The following ERI3 variants were observed in gnomAD, a reference collection of about 807,000 sequenced individuals.
ERI3 encodes ERI1 exoribonuclease family member 3.
A neutral mutation model predicts 44.4 loss-of-function variants in ERI3; 18 were observed. That is an observed-to-expected ratio of 0.41 (90% CI 0.28 to 0.60). ERI3 has a LOEUF of 0.60. Ranked by LOEUF, ERI3 falls within the 20% of genes least tolerant of loss-of-function variation. ERI3 has a pLI of 0.36. For missense variants in ERI3, 294 were observed against 435.5 expected (o/e 0.68, Z 2.89); for synonymous variants, 183 against 164.8 (o/e 1.11, Z -0.84).
chr1:44,335,776 C>CAA (rs58557158), intron 3 of ERI3, among the ~76,000 whole-genome samples: 2 of 72,786 alleles, frequency 2.7e-5, no homozygotes, highest in Admixed American at 1.5e-4. Context: ...AACTCCATCT[C>CAA]AAAAAAAAAA....
intron 7 of ERI3, among the ~76,000 whole-genome samples, chr1:44,282,195 T>G (rs1645304506): frequency 6.6e-6 from 1 of 152,072 alleles, no homozygotes; most frequent in African/African-American, 2.4e-5. Flanking sequence ...GAAAGACATT[T>G]TGCCTCTTCT....
chr1:44,282,309 T>C (rs922485246), intron 7 of ERI3, among the ~76,000 whole-genome samples: 1 of 151,862 alleles, frequency 6.6e-6, no homozygotes, highest in African/African-American at 2.4e-5. Flanking sequence ...TTCCCACCTT[T>C]CTCAAGGAGT....
intron 3 of ERI3, chr1:44,322,979 A>C: frequency 7.4e-7 from 1 of 1,351,674 alleles, no homozygotes; most frequent in South Asian, 1.8e-5. Context: ...GCCAGCCTCT[A>C]TGTCCAGTTG....
intron 5 of ERI3, among the ~76,000 whole-genome samples, chr1:44,309,627 C>T (rs1321942072): frequency 6.6e-6 from 1 of 151,942 alleles, no homozygotes; most frequent in East Asian, 1.9e-4. Flanking sequence ...TGCAGTGGCA[C>T]GATCTTGGCT....
chr1:44,228,130 C>T lies in ERI3; in HGVS notation c.932-6490G>A, dbSNP rs1281897925. ...CCACCCGACCCACTTCCTAGACACACACTCCCTTCTCCCCACAGCCATGGC... is the reference window on the plus strand; with the variant it reads ...CCACCCGACCCACTTCCTAGACACATACTCCCTTCTCCCCACAGCCATGGC... On this transcript the variant is annotated intron_variant, in intron 8 of 8. Transcript: ENST00000372257. This position sits in a 1 kb window ranked among gnomAD's most constrained non-coding sequence, Gnocchi z 4.3. Among the ~76,000 whole-genome samples, 1 of 151,870 alleles carries T rather than the reference C, an allele frequency of 6.6e-6. No homozygotes were observed. Among genetic ancestry groups the T allele is most frequent in the Non-Finnish European group, 1.5e-5 (1 of 67,984 alleles).
chr1:44,276,539 T>A (rs894299666), intron 7 of ERI3, among the ~76,000 whole-genome samples: 2 of 152,146 alleles, frequency 1.3e-5, no homozygotes, highest in Non-Finnish European at 2.9e-5. Context: ...GCTACCCACT[T>A]CCATGGCCAT....
At chr1:44,303,559 C>T (rs546988526) in intron 6 of ERI3, among the ~76,000 whole-genome samples, 3 of 152,070 alleles carry the variant, frequency 2.0e-5, no homozygotes, top group Non-Finnish European at 4.4e-5. Context: ...GTCACAGCAC[C>T]ATTTTATGTA....
At chr1:44,293,251 G>A (rs368272255) in intron 6 of ERI3, among the ~76,000 whole-genome samples, 3 of 152,270 alleles carry the variant, frequency 2.0e-5, no homozygotes, top group Admixed American at 6.5e-5. Flanking sequence ...AAACAGGGAG[G>A]AGAGTGCAAG....
At chr1:44,325,100 G>A (rs556815197) in intron 3 of ERI3, among the ~76,000 whole-genome samples, 14 of 143,570 alleles carry the variant, frequency 9.8e-5, no homozygotes, top group South Asian at 2.2e-4. Flanking sequence ...TTTTTGAGTC[G>A]GAGTCTCACT....
At chr1:44,323,037 CA>C (rs1646236682) in intron 3 of ERI3, 5 of 887,002 alleles carry the variant, frequency 5.6e-6, no homozygotes, top group Non-Finnish European at 7.7e-6. Context: ...TTCTCTCAGC[CA>C]ATTTCATCAT....
chr1:44,229,182 A>G (rs572972441), intron 8 of ERI3, among the ~76,000 whole-genome samples: 1 of 152,194 alleles, frequency 6.6e-6, no homozygotes, highest in East Asian at 1.9e-4. Context: ...AAGAACAGAC[A>G]TGGGGCCAGA....
rs113016085 is a variant in ERI3 at position 44,271,779 on chromosome 1, A to G, written c.831+13056T>C. Among the ~76,000 whole-genome samples, 791 of 152,338 alleles carry G rather than the reference A, an allele frequency of 5.2e-3. 5 individuals carry two copies. The highest frequency in any genetic ancestry group is 0.018 in the African/African-American group (751 of 41,574). ...TCCAAGATCATAACACAGGTAGATG[A>G]TAAGGCCAGGAATTGACCTAAGGTG... is the stretch of plus-strand genomic sequence containing the variant. On this transcript the variant is annotated intron_variant, in intron 7 of 8. Coordinates refer to ENST00000372257, the MANE Select transcript of ERI3 (RefSeq NM_024066.3).
At position 44,241,966 on chromosome 1, in the gene ERI3, G is replaced by A. The variant is rs1432273618; in HGVS notation, c.931+5973C>T. 3 of 985,496 alleles carry A rather than the reference G, an allele frequency of 3.0e-6. No homozygotes were observed. The highest frequency in any genetic ancestry group is 2.3e-4 in the East Asian group (2 of 8,826). The allele number at this position is 985,496 out of a possible 1,614,324, so 61.0% of individuals were successfully genotyped here. ...ATGGTTGCTACTGAAGAACAGTCTG[G>A]TGTCTGGCAAGAACCAATTCCTCAG... is the stretch of plus-strand genomic sequence containing the variant. On this transcript the variant is annotated intron_variant, in intron 8 of 8. Transcript: ENST00000372257. This position sits in a 1 kb window ranked among gnomAD's most constrained non-coding sequence, Gnocchi z 5.6.
At chr1:44,271,626 ATTGT>A (rs1322135300) in intron 7 of ERI3, among the ~76,000 whole-genome samples, 2 of 152,220 alleles carry the variant, frequency 1.3e-5, no homozygotes, top group Non-Finnish European at 2.9e-5. Flanking sequence ...CTCCCTTAGA[ATTGT>A]TTGAGGATTA....
intron 7 of ERI3, among the ~76,000 whole-genome samples, chr1:44,262,009 G>A (rs1471706327): frequency 6.6e-6 from 1 of 152,188 alleles, no homozygotes; most frequent in Non-Finnish European, 1.5e-5. Context: ...GTTCCCGAAG[G>A]CTCTGTCCTC....
chr1:44,249,394 C>A (rs910083720), intron 7 of ERI3, among the ~76,000 whole-genome samples: 6 of 152,128 alleles, frequency 3.9e-5, no homozygotes, highest in Non-Finnish European at 7.4e-5. Context: ...GAGGGCCCAG[C>A]ACAGGGTCAG....
At chr1:44,317,945 A>C (rs764108454) in intron 4 of ERI3, among the ~76,000 whole-genome samples, 22 of 152,204 alleles carry the variant, frequency 1.4e-4, no homozygotes, top group Non-Finnish European at 2.9e-4. Context: ...AAAATGGCAG[A>C]CCCGGTGCCT....
At chr1:44,310,963 G>GCGCGCGCACA (rs1373873768) in intron 5 of ERI3, among the ~76,000 whole-genome samples, 8 of 123,198 alleles carry the variant, frequency 6.5e-5, no homozygotes, top group African/African-American at 1.6e-4. Flanking sequence ...GCGCGCGCGC[G>GCGCGCGCACA]CACACACACA....
At chr1:44,353,862 C>T (rs75378266) in intron 1 of ERI3, 1 of 985,304 alleles carries the variant, frequency 1.0e-6, no homozygotes, top group African/African-American at 1.7e-5. Flanking sequence ...TTATCAATCA[C>T]TTCCCGGCAG....
Sources: allele counts gnomAD v4.1 joint callset (sites outside exome capture counted in the v4.1 genomes callset), GRCh38; gene constraint gnomAD v4.1.1; non-coding constraint Gnocchi (gnomAD v3.1); transcripts MANE v1.5; gene names NCBI Gene and HGNC (gene_info 2026-07-23, HGNC 2026-07-21).